The following NRIP1 variants were observed in gnomAD, a reference collection of about 807,000 sequenced individuals.
The protein encoded by NRIP1 is nuclear receptor-interacting protein 1.
A neutral mutation model predicts 75.0 loss-of-function variants in NRIP1; 28 were observed. The ratio of observed to expected loss-of-function variants is 0.37; its 90% CI spans 0.28 to 0.51. The LOEUF (loss-of-function observed/expected upper bound fraction) is 0.51. Among genes scored for constraint, NRIP1 ranks in the 20% least tolerant of loss-of-function variants. The pLI, the probability that NRIP1 is intolerant of heterozygous loss-of-function variation, is 0.92. For synonymous variants in NRIP1, 526 were observed against 487.6 expected, an observed-to-expected ratio of 1.08 and a Z score of -1.04; for missense variants, 1,435 against 1,343.7, an observed-to-expected ratio of 1.07 and a Z score of -1.06.
intron 3 of NRIP1, among the ~76,000 whole-genome samples, chr21:14,980,626 T>TTTTTTTTTTTTTTTTTTTTTGAG (rs1555881861): frequency 6.6e-6 from 1 of 151,452 alleles, no homozygotes; most frequent in African/African-American, 2.5e-5. Flanking sequence ...TCAATGTTCT[T>TTTTTTTTTTTTTTTTTTTTTGAG]ACTGAAGCAT....
intron 3 of NRIP1, among the ~76,000 whole-genome samples, chr21:15,010,137 A>C (rs1715518117): frequency 6.6e-6 from 1 of 152,224 alleles, no homozygotes; most frequent in Non-Finnish European, 1.5e-5. Context: ...AGAATGAAGA[A>C]ATTCTAGTTA....
intron 3 of NRIP1, among the ~76,000 whole-genome samples, chr21:14,999,339 T>C (rs2087800831): frequency 6.6e-6 from 1 of 152,090 alleles, no homozygotes; most frequent in African/African-American, 2.4e-5. Flanking sequence ...ATACTAAATA[T>C]GTTGTCACCC....
chr21:15,011,958 C>T (rs2088113861), intron 3 of NRIP1, among the ~76,000 whole-genome samples: 1 of 152,184 alleles, frequency 6.6e-6, no homozygotes, highest in Admixed American at 6.5e-5. Context: ...TTAAACACTT[C>T]ATTCTTTATT....
At chr21:15,037,047 C>G (rs1196194808) in intron 2 of NRIP1, among the ~76,000 whole-genome samples, 1 of 151,916 alleles carries the variant, frequency 6.6e-6, no homozygotes, top group African/African-American at 2.4e-5. Context: ...AAAATTTAAG[C>G]AAAATAATAA....
chr21:15,017,867 TTA>T (rs2088274094), intron 2 of NRIP1, among the ~76,000 whole-genome samples: 1 of 152,336 alleles, frequency 6.6e-6, no homozygotes, highest in East Asian at 1.9e-4. Flanking sequence ...CTAGAATTGT[TTA>T]TGTTAATGGT....
At chr21:15,026,829 A>C (rs2088532243) in intron 2 of NRIP1, among the ~76,000 whole-genome samples, 1 of 152,184 alleles carries the variant, frequency 6.6e-6, no homozygotes, top group Admixed American at 6.5e-5. Flanking sequence ...AATTTCAAAA[A>C]ACCAATATAA....
chr21:14,966,406 G>C lies in NRIP1; in HGVS notation c.1787C>G (p.Ser596Cys). The change falls in exon 4 of 4, where the codon TCT becomes TGT. Residue 596 changes from serine (S) to cysteine (C), a missense_variant. Coordinates refer to ENST00000318948, the MANE Select transcript of NRIP1 (RefSeq NM_003489.4). ...TTTTGTAAGGTCCATTGAGTGGTTAGATGCAGTATTTGTTAGCTTTTCAGA... is the reference window on the plus strand; with the variant it reads ...TTTTGTAAGGTCCATTGAGTGGTTACATGCAGTATTTGTTAGCTTTTCAGA... ...TQSEKLTNTA[S>C]NHSMDLTKSK... The C allele has an allele frequency of 6.2e-7, 1 of 1,614,076 alleles. No individual in the cohort carries two copies. Among genetic ancestry groups the C allele is most frequent in the Non-Finnish European group, 8.5e-7 (1 of 1,179,968 alleles).
rs759782012 is a variant in NRIP1 at position 14,964,904 on chromosome 21, C to G, written c.3289G>C (p.Glu1097Gln). 11 of 1,613,272 alleles carry G rather than the reference C, an allele frequency of 6.8e-6. No homozygotes were observed. Among genetic ancestry groups the G allele is most frequent in the African/African-American group, 1.3e-5 (1 of 74,976 alleles). ...KDIWREASSAESVSQVTAKEE... is the reference protein window; with the variant it reads ...KDIWREASSAQSVSQVTAKEE... Reference sequence around the variant, plus strand: ...TTGGCTGTGACCTGTGAGACACTTTCAGCAGATGAAGCCTCCCTCCAAATG... The same window carrying G: ...TTGGCTGTGACCTGTGAGACACTTTGAGCAGATGAAGCCTCCCTCCAAATG... Residue 1097 changes from glutamate (E) to glutamine (Q), a missense_variant, in exon 4 of 4, where the codon GAA becomes CAA. Glu to Gln is a conservative substitution (Grantham distance 29). Transcript: ENST00000318948.
At chr21:15,013,265 T>C (rs1209654920) in intron 3 of NRIP1, among the ~76,000 whole-genome samples, 1 of 152,206 alleles carries the variant, frequency 6.6e-6, no homozygotes, top group Non-Finnish European at 1.5e-5. Context: ...ATTTTCTTGA[T>C]GAAATTACAA....
rs1017888543 is a variant in NRIP1 at position 14,967,532 on chromosome 21, G to A, written c.661C>T (p.His221Tyr). ...IRDRFAESPH[H>Y]VGQSGTKVMS... ...ACCTTTGTTCCACTTTGTCCAACAT[G>A]ATGAGGAGACTCTGCAAACCTATCT... The change falls in exon 4 of 4, where the codon CAT becomes TAT. Residue 221 changes from histidine to tyrosine, a missense_variant. Coordinates refer to ENST00000318948, the MANE Select transcript of NRIP1 (RefSeq NM_003489.4). 1 of 1,614,108 alleles carries A rather than the reference G, an allele frequency of 6.2e-7. No individual in the cohort carries two copies. Among genetic ancestry groups the A allele is most frequent in the Non-Finnish European group, 8.5e-7 (1 of 1,180,004 alleles).
At position 14,967,772 on chromosome 21, in the gene NRIP1, T is replaced by G; in HGVS notation, c.421A>C (p.Ser141Arg). The stretch of plus-strand genomic sequence containing the variant: ...AGAGCAACAGTCTGCAGCCTAGAGC[T>G]GAATGACTGAAGCAAAGAGGCCAGT... Reference protein sequence around the residue: ...TLLASLLQSFSSRLQTVALSQ... With the variant: ...TLLASLLQSFRSRLQTVALSQ... Residue 141 changes from serine to arginine, a missense_variant, in exon 4 of 4, where the codon AGC becomes CGC. By Grantham distance (110) the Ser-to-Arg change is moderately radical. Coordinates refer to ENST00000318948, the MANE Select transcript of NRIP1 (RefSeq NM_003489.4). 6.2e-7 allele frequency: 1 copy of G among 1,614,114 alleles called. No individual in the cohort carries two copies. Among genetic ancestry groups the G allele is most frequent in the South Asian group, 1.1e-5 (1 of 91,080 alleles).
intron 3 of NRIP1, among the ~76,000 whole-genome samples, chr21:15,012,225 T>C (rs539559910): frequency 1.3e-5 from 2 of 152,218 alleles, no homozygotes; most frequent in South Asian, 2.1e-4. Flanking sequence ...AGACATTCTA[T>C]ACTTTGACCC....
chr21:15,046,966 A>G (rs568729070), intron 1 of NRIP1, among the ~76,000 whole-genome samples: 2 of 152,348 alleles, frequency 1.3e-5, no homozygotes, highest in South Asian at 4.1e-4. Context: ...TTTTGGCTTA[A>G]GGGAATGTTA....
intron 2 of NRIP1, among the ~76,000 whole-genome samples, chr21:15,027,868 T>C (rs2088558399): frequency 6.6e-6 from 1 of 152,188 alleles, no homozygotes; most frequent in Non-Finnish European, 1.5e-5. Flanking sequence ...TGAGAAATAC[T>C]TAATCCATTT....
chr21:15,038,968 C>T (rs970090139), intron 2 of NRIP1, among the ~76,000 whole-genome samples: 1 of 152,014 alleles, frequency 6.6e-6, no homozygotes, highest in Admixed American at 6.6e-5. Flanking sequence ...ATAAACTATA[C>T]TTTAAAAAGA....
At chr21:15,020,141 A>T (rs2088336962) in intron 2 of NRIP1, among the ~76,000 whole-genome samples, 1 of 152,248 alleles carries the variant, frequency 6.6e-6, no homozygotes, top group Non-Finnish European at 1.5e-5. Flanking sequence ...AATACCAAGA[A>T]TAGTGAAACA....
chr21:14,965,979 A>T lies in NRIP1; in HGVS notation c.2214T>A (p.Thr738=). 6.2e-7 allele frequency: 1 copy of T among 1,613,692 alleles called. No individual in the cohort carries two copies. Among genetic ancestry groups the T allele is most frequent in the Non-Finnish European group, 8.5e-7 (1 of 1,179,866 alleles). Residue 738 remains threonine (T), a synonymous_variant, in exon 4 of 4, where the codon ACT becomes ACA. Coordinates refer to ENST00000318948, the MANE Select transcript of NRIP1 (RefSeq NM_003489.4). ...KEKTPLRDES[T]QEHSERALSE... ...TTAAAGCTCTCTCTGAGTGTTCCTG[A>T]GTACTTTCATCTCTTAAGGGAGTTT...
chr21:14,999,413 T>C (rs1430573405), intron 3 of NRIP1, among the ~76,000 whole-genome samples: 2 of 152,302 alleles, frequency 1.3e-5, no homozygotes, highest in Middle Eastern at 6.8e-3. Flanking sequence ...TCTGTGTGTA[T>C]GAGTTTGCTT....
rs373670338 is a variant in NRIP1, at chr21:14,965,890, G to A, written c.2303C>T (p.Thr768Ile). The A allele has an allele frequency of 2.5e-5, 40 of 1,613,972 alleles. No individual in the cohort carries two copies. Among genetic ancestry groups the A allele is most frequent in the Non-Finnish European group, 3.3e-5 (39 of 1,179,994 alleles). Residue 768 changes from threonine (T) to isoleucine (I), a missense_variant, in exon 4 of 4, where the codon ACA becomes ATA. Transcript: ENST00000318948. ...EPCDDLQIPNTNVHLSHDAKS... is the reference protein window; with the variant it reads ...EPCDDLQIPNINVHLSHDAKS... ...AGCATCATGGCTCAAGTGCACATTT[G>A]TGTTAGGAATTTGTAAGTCATCACA...
Sources: gnomAD v4.1 joint callset for allele counts (sites outside exome capture counted in the v4.1 genomes callset) on GRCh38, gnomAD v4.1.1 for gene constraint, MANE v1.5 for transcripts, NCBI Gene and HGNC (gene_info 2026-07-23, HGNC 2026-07-21) for gene names.